Variants in RASGRF1 observed in about 807,000 individuals in gnomAD.
RASGRF1 encodes the protein ras-specific guanine nucleotide-releasing factor 1.
In RASGRF1, 40 loss-of-function variants were observed where a neutral mutation model predicts 138.7. The ratio of observed to expected loss-of-function variants is 0.29; its 90% CI spans 0.22 to 0.38. The LOEUF is 0.38. Ranked by LOEUF, RASGRF1 falls within the 10% of genes least tolerant of loss-of-function variation. The pLI is 1.00. For synonymous variants in RASGRF1, 614 were observed against 663.2 expected, an observed-to-expected ratio of 0.93 and a Z score of 1.14; for missense variants, 1,108 against 1,650.4, an observed-to-expected ratio of 0.67 and a Z score of 5.69.
rs755405275 is a variant in RASGRF1 at position 79,049,553 on chromosome 15, C to T, written c.567G>A (p.Gln189=). ...TSLLKDNERI[Q]STQTVAPNDE... ...CGTTGGGGGCGACAGTCTGGGTGGA[C>T]TGGATGCGCTCATTGTCCTTGAGCA... is the stretch of plus-strand genomic sequence containing the variant. Residue 189 remains glutamine (Q), a synonymous_variant, in exon 4 of 27, where the codon CAG becomes CAA. Coordinates refer to ENST00000558480, the MANE Select transcript of RASGRF1 (RefSeq NM_001145648.3). 48 of 1,613,974 alleles carry T rather than the reference C, an allele frequency of 3.0e-5. No individual in the cohort carries two copies. Among genetic ancestry groups the T allele is most frequent in the Non-Finnish European group, 4.0e-5 (47 of 1,179,964 alleles).
rs1244274119 is a variant in RASGRF1, at chr15:78,961,277, G to A, written c.*867C>T. Reference sequence around the variant, plus strand: ...TACAGTGTGGTACTAATTATCACAAGGTATACAGACTTAGAGCATCTCAAT... The same window carrying A: ...TACAGTGTGGTACTAATTATCACAAAGTATACAGACTTAGAGCATCTCAAT... On this transcript the variant is annotated 3_prime_UTR_variant, in exon 27 of 27. Coordinates refer to ENST00000558480, the MANE Select transcript of RASGRF1 (RefSeq NM_001145648.3). 6.6e-6 allele frequency: 1 copy of A among 152,178 alleles called. No individual in the cohort carries two copies. Among genetic ancestry groups the A allele is most frequent in the East Asian group, 1.9e-4 (1 of 5,198 alleles). 9.4% of individuals were successfully genotyped at this position (152,178 alleles called of 1,614,324 possible). A position where few individuals can be genotyped will look rare whatever the true frequency, so the allele number is the denominator to read the frequency against.
chr15:78,978,215 C>CTTTTCTTTTCTTTTTTTTT (rs2055915117), intron 24 of RASGRF1, among the ~76,000 whole-genome samples: 2 of 79,344 alleles, frequency 2.5e-5, no homozygotes, highest in Non-Finnish European at 2.5e-5. Flanking sequence ...TTTTTCTTTT[C>CTTTTCTTTTCTTTTTTTTT]TTTTGTTTTT....
intron 15 of RASGRF1, 33 bp from the exon 16 acceptor site, chr15:79,001,820 C>T: frequency 7.7e-7 from 1 of 1,306,114 alleles, no homozygotes. Flanking sequence ...TTTTACTTTT[C>T]TTAATTTTAA....
chr15:79,056,083 G>A (rs1029863524), intron 3 of RASGRF1, among the ~76,000 whole-genome samples: 3 of 152,166 alleles, frequency 2.0e-5, no homozygotes, highest in Non-Finnish European at 4.4e-5. Context: ...CCCAGGGTGA[G>A]GCGTTTGAGC....
chr15:78,984,300 G>A (rs779559271), intron 23 of RASGRF1, among the ~76,000 whole-genome samples: 1 of 152,146 alleles, frequency 6.6e-6, no homozygotes, highest in Non-Finnish European at 1.5e-5. Flanking sequence ...AGGCTGGGGT[G>A]GGGGCATCCA....
chr15:79,043,931 T>G (rs1787836584), intron 5 of RASGRF1, among the ~76,000 whole-genome samples: 1 of 152,252 alleles, frequency 6.6e-6, no homozygotes, highest in African/African-American at 2.4e-5. Flanking sequence ...AGCTCATTAC[T>G]CTTCCGAACT....
chr15:79,017,189 A>G (rs1398640844), intron 12 of RASGRF1, among the ~76,000 whole-genome samples: 1 of 152,218 alleles, frequency 6.6e-6, no homozygotes, highest in Non-Finnish European at 1.5e-5. Context: ...CTTCCTGCTT[A>G]ATGCTCCAAA....
intron 14 of RASGRF1, 55 bp from the exon 15 acceptor site, chr15:79,004,230 T>C: frequency 2.0e-6 from 3 of 1,505,670 alleles, no homozygotes; most frequent in Non-Finnish European, 2.6e-6. Flanking sequence ...CCTGCCCGCC[T>C]AGGCCTGGGG....
chr15:78,974,576 C>T (rs2055836830), intron 24 of RASGRF1, among the ~76,000 whole-genome samples: 2 of 152,204 alleles, frequency 1.3e-5, no homozygotes, highest in Non-Finnish European at 2.9e-5. Context: ...GATTTACAGG[C>T]ACGATATTAA....
chr15:78,998,904 C>A (rs1253860264), intron 17 of RASGRF1, 79 bp from the exon 18 acceptor site: 1 of 1,225,368 alleles, frequency 8.2e-7, no homozygotes, highest in East Asian at 2.4e-5. Flanking sequence ...GGATTTGCCT[C>A]TCGGATCTGG....
At chr15:79,019,788 G>C (rs573370275) in intron 11 of RASGRF1, among the ~76,000 whole-genome samples, 6 of 152,184 alleles carry the variant, frequency 3.9e-5, no homozygotes, top group Non-Finnish European at 7.3e-5. Context: ...ATCACCTGCC[G>C]GGCTGGGAGC....
rs115301968 is a variant in RASGRF1, at chr15:79,072,933, C to A, written c.277-8407G>T. Among the ~76,000 whole-genome samples the A allele has an allele frequency of 6.2e-3, 949 of 152,298 alleles. 15 individuals are homozygous for A. The highest frequency in any genetic ancestry group is 0.022 in the African/African-American group (921 of 41,550). On this transcript the variant is annotated intron_variant, in intron 1 of 26. Coordinates refer to ENST00000558480, the MANE Select transcript of RASGRF1 (RefSeq NM_001145648.3). ...CAACACACGAGCCTCAGTGTGACCA[C>A]AGGATAGGACCCAAATCACACCTGC... is the stretch of plus-strand genomic sequence containing the variant.
At chr15:78,978,999 A>T (rs994971475) in intron 24 of RASGRF1, 9 of 1,292,384 alleles carry the variant, frequency 7.0e-6, no homozygotes, top group Non-Finnish European at 8.1e-6. Flanking sequence ...GGGGCCCCAG[A>T]GGCAGTGGAG....
chr15:79,049,859 C>G (rs573830406), intron 3 of RASGRF1, among the ~76,000 whole-genome samples: 1 of 152,274 alleles, frequency 6.6e-6, no homozygotes, highest in Non-Finnish European at 1.5e-5. Flanking sequence ...TGACCTTGGA[C>G]GAAGCCCTTC....
chr15:79,015,838 G>A (rs2056871066), intron 12 of RASGRF1, among the ~76,000 whole-genome samples: 1 of 152,194 alleles, frequency 6.6e-6, no homozygotes, highest in Non-Finnish European at 1.5e-5. Flanking sequence ...GGGCCTCTGC[G>A]CCACTGCACG....
chr15:79,010,874 C>T (rs887733323), intron 13 of RASGRF1, among the ~76,000 whole-genome samples: 3 of 152,172 alleles, frequency 2.0e-5, no homozygotes, highest in African/African-American at 7.2e-5. Flanking sequence ...CATCCATCCA[C>T]AGAGCTGCTG....
intron 24 of RASGRF1, among the ~76,000 whole-genome samples, chr15:78,976,694 C>T (rs534236321): frequency 2.6e-5 from 4 of 152,314 alleles, no homozygotes; most frequent in African/African-American, 7.2e-5. Flanking sequence ...TGAGCCACAC[C>T]GAGCCTCTGA....
chr15:79,058,379 C>T lies in RASGRF1; in HGVS notation c.486G>A (p.Gln162=). The change falls in exon 3 of 27, where the codon CAG becomes CAA. Residue 162 remains glutamine (Q), a synonymous_variant. Coordinates refer to ENST00000558480, the MANE Select transcript of RASGRF1 (RefSeq NM_001145648.3). ...TEKTVAKQLR[Q]QIEDGEIEIE... Reference sequence around the variant, plus strand: ...TCTCGATCTCCCCATCCTCGATCTGCTGCCGAAGCTGCTTGGCCACGGTCT... The same window carrying T: ...TCTCGATCTCCCCATCCTCGATCTGTTGCCGAAGCTGCTTGGCCACGGTCT... 1 of 1,614,144 alleles carries T rather than the reference C, an allele frequency of 6.2e-7. No homozygotes were observed. Among genetic ancestry groups the T allele is most frequent in the East Asian group, 2.2e-5 (1 of 44,870 alleles).
chr15:79,001,763 T>A lies in RASGRF1; in HGVS notation c.2474A>T (p.Glu825Val), dbSNP rs927570809. The change falls in exon 16 of 27, where the codon GAG (glutamate) becomes GTG (valine). Residue 825 changes from glutamate to valine, a missense_variant. Physicochemically the swap from Glu to Val is moderately radical, Grantham distance 121 (BLOSUM62 -2). Transcript: ENST00000558480. ...KQSSEVSMRE[E>V]SDIDQNQSDD... The stretch of plus-strand genomic sequence containing the variant: ...ACTCTGGTTTTGATCAATATCTGAC[T>A]CCTCTCTCATGGAGACTTCTGAGCC... 1.1e-5 allele frequency: 17 copies of A among 1,599,410 alleles called. No homozygotes were observed. Among genetic ancestry groups the A allele is most frequent in the Non-Finnish European group, 1.5e-5 (17 of 1,170,096 alleles).
Sources: gnomAD v4.1 joint callset for allele counts (sites outside exome capture counted in the v4.1 genomes callset) on GRCh38, gnomAD v4.1.1 for gene constraint, MANE v1.5 for transcripts, NCBI Gene and HGNC (gene_info 2026-07-23, HGNC 2026-07-21) for gene names.